Variants in ARIH1 observed in about 807,000 individuals in gnomAD.
ARIH1 encodes ariadne RBR E3 ubiquitin protein ligase 1.
Under a neutral mutation model 85.0 loss-of-function variants are expected in ARIH1, and 8 were observed. That is an observed-to-expected ratio of 0.09 (90% confidence interval 0.06 to 0.17). ARIH1 has a LOEUF of 0.17. Among genes scored for constraint, ARIH1 ranks in the 10% least tolerant of loss-of-function variants. The pLI is 1.00. For missense variants in ARIH1, 311 were observed against 718.1 expected (o/e 0.43, Z 6.48); for synonymous variants, 238 against 253.6 (o/e 0.94, Z 0.59).
chr15:72,569,250 G>A (rs1229704097), intron 9 of ARIH1, among the ~76,000 whole-genome samples: 2 of 152,172 alleles, frequency 1.3e-5, no homozygotes, highest in African/African-American at 2.4e-5. Context: ...CAAAGCTGCA[G>A]TGAGCCATGA....
In ARIH1 at chr15:72,533,079, CA is replaced by C. The variant is rs1336360449; in HGVS notation, c.444-11735del. ...GAAATGATTCTAGCCAGTAGAACAT[CA>C]AAAAATGAAAACAAAATACAGTGTT... On this transcript the variant is annotated intron_variant, in intron 2 of 13. Coordinates refer to ENST00000379887, the MANE Select transcript of ARIH1 (RefSeq NM_005744.5). Among the ~76,000 whole-genome samples, 6 of 152,088 alleles carry C rather than the reference CA, an allele frequency of 3.9e-5. No individual in the cohort carries two copies. In the East Asian group the frequency reaches 1.2e-3, roughly 29 times the overall value.
At chr15:72,527,632 G>A (rs375576177) in intron 2 of ARIH1, among the ~76,000 whole-genome samples, 5 of 152,234 alleles carry the variant, frequency 3.3e-5, no homozygotes, top group African/African-American at 1.2e-4. Flanking sequence ...TTGACCCAGG[G>A]CTTCTGTTTA....
At chr15:72,561,977 A>AAAAAT (rs138942136) in intron 6 of ARIH1, among the ~76,000 whole-genome samples, 10 of 152,162 alleles carry the variant, frequency 6.6e-5, no homozygotes, top group African/African-American at 1.4e-4. Context: ...CCTCTTAATA[A>AAAAAT]AAAATAAAAT....
At chr15:72,572,597 A>G (rs1357917519) in intron 11 of ARIH1, among the ~76,000 whole-genome samples, 2 of 152,236 alleles carry the variant, frequency 1.3e-5, no homozygotes, top group African/African-American at 4.8e-5. Flanking sequence ...ATTTACATTT[A>G]GAAAGGGAAT....
chr15:72,575,446 G>A (rs1222290968), intron 11 of ARIH1, among the ~76,000 whole-genome samples: 1 of 148,978 alleles, frequency 6.7e-6, no homozygotes, highest in African/African-American at 2.5e-5. Context: ...GTATGGTAGT[G>A]CACGCTGGCT....
At position 72,583,351 on chromosome 15, in the gene ARIH1, T is replaced by A; in HGVS notation, c.*59T>A. On this transcript the variant is annotated 3_prime_UTR_variant, in exon 14 of 14. Transcript: ENST00000379887. ...TTACCATCTAGAGTGCTCATGCAAT[T>A]AAAACAAAACAAACACAAACAAGGA... 7.1e-7 allele frequency: 1 copy of A among 1,402,746 alleles called. No individual in the cohort carries two copies. Among genetic ancestry groups the A allele is most frequent in the Non-Finnish European group, 1.0e-6 (1 of 998,432 alleles). 86.9% of individuals were successfully genotyped at this position (1,402,746 alleles called of 1,614,324 possible).
In ARIH1 at chr15:72,563,503, A is replaced by G; in HGVS notation, c.911+3A>G. 1 of 1,610,764 alleles carries G rather than the reference A, an allele frequency of 6.2e-7. No individual in the cohort carries two copies. The highest frequency in any genetic ancestry group is 2.2e-5 in the East Asian group (1 of 44,872). ...TGCAAATGTGGGCGCCAATTTTGGT[A>G]AGCAAGTGATTTCCTAAATTGAAAT... is the stretch of plus-strand genomic sequence containing the variant. On this transcript the variant is annotated splice_donor_region_variant and intron_variant, in intron 7 of 13. Coordinates refer to ENST00000379887, the MANE Select transcript of ARIH1 (RefSeq NM_005744.5).
Position 72,600,704 on chromosome 15 carries a change from G to A in ARIH1, c.*17412G>A, listed in dbSNP as rs1239293841. On this transcript the variant is annotated 3_prime_UTR_variant, in exon 14 of 14. Transcript: ENST00000379887. Reference sequence around the variant, plus strand: ...AACCTATTATGTTTTTTTAAAAAGAGATTGTTCTAATTATGTATATAATTA... The same window carrying A: ...AACCTATTATGTTTTTTTAAAAAGAAATTGTTCTAATTATGTATATAATTA... 2.0e-5 allele frequency: 3 copies of A among 152,150 alleles called. No individual in the cohort carries two copies. Among genetic ancestry groups the A allele is most frequent in the Admixed American group, 2.0e-4 (3 of 15,272 alleles). The allele number at this position is 152,150 out of a possible 1,614,324, so 9.4% of individuals were successfully genotyped here.
chr15:72,574,456 T>C (rs920233686), intron 11 of ARIH1, among the ~76,000 whole-genome samples: 9 of 152,210 alleles, frequency 5.9e-5, no homozygotes, highest in Admixed American at 2.6e-4. Flanking sequence ...CTGGGAGTTG[T>C]AGTCTGAAAA....
intron 2 of ARIH1, 22 bp downstream of exon 2, chr15:72,518,156 T>C: frequency 6.3e-7 from 1 of 1,575,024 alleles, no homozygotes; most frequent in Non-Finnish European, 8.7e-7. Context: ...TATTGTCAGC[T>C]TTGTACTTAG....
At chr15:72,498,859 A>G (rs1197256965) in intron 1 of ARIH1, among the ~76,000 whole-genome samples, 1 of 152,006 alleles carries the variant, frequency 6.6e-6, no homozygotes. Flanking sequence ...AAAAAAAAAA[A>G]AGAACTCTTC....
intron 1 of ARIH1, among the ~76,000 whole-genome samples, chr15:72,499,659 C>A (rs1233318559): frequency 6.6e-6 from 1 of 152,204 alleles, no homozygotes; most frequent in Non-Finnish European, 1.5e-5. Context: ...GGTCTAATTT[C>A]AAATGCTGTG....
rs377574892 is a variant in ARIH1, at chr15:72,529,980, G to GA, written c.443+11853dup. 4.5e-4 allele frequency among the ~76,000 whole-genome samples: 69 copies of GA among 152,154 alleles called. 1 individual carries two copies. Among genetic ancestry groups the GA allele is most frequent in the African/African-American group, 1.5e-3 (62 of 41,528 alleles). On this transcript the variant is annotated intron_variant, in intron 2 of 13. Transcript: ENST00000379887. ...ATAGTGATGGAAAAGCATTATTTCA[G>GA]AAAAAAATCTAGTAATAAATGAGCT...
At chr15:72,527,054 T>C (rs1032922389) in intron 2 of ARIH1, among the ~76,000 whole-genome samples, 1 of 152,218 alleles carries the variant, frequency 6.6e-6, no homozygotes, top group Admixed American at 6.5e-5. Flanking sequence ...ATGATTTTTG[T>C]GGGATATTGC....
intron 1 of ARIH1, among the ~76,000 whole-genome samples, chr15:72,516,898 G>A (rs944195145): frequency 4.6e-5 from 7 of 152,118 alleles, no homozygotes; most frequent in Non-Finnish European, 1.0e-4. Context: ...TTATATATGA[G>A]ATAAAAATAA....
In ARIH1 at chr15:72,584,739, G is replaced by A. The variant is rs1486144293; in HGVS notation, c.*1447G>A. The A allele has an allele frequency of 6.6e-6, 1 of 151,878 alleles. No individual in the cohort carries two copies. The highest frequency in any genetic ancestry group is 1.5e-5 in the Non-Finnish European group (1 of 67,988). The allele number at this position is 151,878 out of a possible 1,614,324, so 9.4% of individuals were successfully genotyped here. On this transcript the variant is annotated 3_prime_UTR_variant, in exon 14 of 14. Coordinates refer to ENST00000379887, the MANE Select transcript of ARIH1 (RefSeq NM_005744.5). ...ATTAATAATGCATTTTAGCTGTGATGTCCATTTTTATGAAATTCCTACTAA... is the reference window on the plus strand; with the variant it reads ...ATTAATAATGCATTTTAGCTGTGATATCCATTTTTATGAAATTCCTACTAA...
At chr15:72,573,860 C>G (rs2064258782) in intron 11 of ARIH1, among the ~76,000 whole-genome samples, 1 of 152,090 alleles carries the variant, frequency 6.6e-6, no homozygotes, top group African/African-American at 2.4e-5. Flanking sequence ...TATTACTGTA[C>G]TGTTAAATAT....
At chr15:72,532,097 G>A (rs1439681270) in intron 2 of ARIH1, among the ~76,000 whole-genome samples, 1 of 149,336 alleles carries the variant, frequency 6.7e-6, no homozygotes, top group African/African-American at 2.4e-5. Context: ...AAAATACAAG[G>A]AAAGAAATAA....
At chr15:72,504,281 C>T (rs2140403165) in intron 1 of ARIH1, among the ~76,000 whole-genome samples, 1 of 152,228 alleles carries the variant, frequency 6.6e-6, no homozygotes, top group South Asian at 2.1e-4. Flanking sequence ...ACTCGAGCTT[C>T]TGACCTCAGG....
Sources: allele counts gnomAD v4.1 joint callset (sites outside exome capture counted in the v4.1 genomes callset), GRCh38; gene constraint gnomAD v4.1.1; transcripts MANE v1.5; gene names NCBI Gene and HGNC (gene_info 2026-07-23, HGNC 2026-07-21).